The following ITPR1 variants were observed in gnomAD, a reference collection of about 807,000 sequenced individuals.
The protein encoded by ITPR1 is inositol 1,4,5-trisphosphate receptor type 1, also known as inositol 1,4,5-trisphosphate-gated calcium channel ITPR1.
ITPR1 carries 96 observed loss-of-function variants against 318.4 expected under a neutral mutation model. The ratio of observed to expected loss-of-function variants is 0.30; its 90% CI spans 0.26 to 0.36. The LOEUF (loss-of-function observed/expected upper bound fraction) is 0.36. Ranked by LOEUF, ITPR1 falls within the 10% of genes least tolerant of loss-of-function variation. The pLI is 1.00. For missense variants in ITPR1, 2,440 were observed against 3,460.2 expected, an observed-to-expected ratio of 0.71 and a Z score of 7.40; for synonymous variants, 1,312 against 1,289.9, an observed-to-expected ratio of 1.02 and a Z score of -0.37.
At chr3:4,777,033 A>G (rs1055174838) in intron 47 of ITPR1, among the ~76,000 whole-genome samples, 1 of 152,250 alleles carries the variant, frequency 6.6e-6, no homozygotes, top group African/African-American at 2.4e-5. Context: ...CAACCAATTT[A>G]TCAGTTACAG....
intron 60 of ITPR1, among the ~76,000 whole-genome samples, chr3:4,822,847 G>A (rs1442314837): frequency 6.6e-6 from 1 of 152,206 alleles, no homozygotes; most frequent in African/African-American, 2.4e-5. Context: ...TCAGAGAAAT[G>A]TGACTGTGGG....
At chr3:4,527,264 C>T (rs1229773782) in intron 4 of ITPR1, among the ~76,000 whole-genome samples, 1 of 152,186 alleles carries the variant, frequency 6.6e-6, no homozygotes, top group Non-Finnish European at 1.5e-5. Flanking sequence ...GCAGCCTCGA[C>T]CTTCTGGGTT....
At chr3:4,594,624 C>G (rs2090651915) in intron 4 of ITPR1, among the ~76,000 whole-genome samples, 1 of 152,106 alleles carries the variant, frequency 6.6e-6, no homozygotes, top group Non-Finnish European at 1.5e-5. Flanking sequence ...TTCCAGGAAG[C>G]AGAAGAGAGT....
At chr3:4,819,923 G>T (rs376488538) in intron 60 of ITPR1, among the ~76,000 whole-genome samples, 1 of 152,178 alleles carries the variant, frequency 6.6e-6, no homozygotes, top group Non-Finnish European at 1.5e-5. Flanking sequence ...GACTTCCTAG[G>T]AACAGTTCAG....
chr3:4,697,315 G>GTGT (rs1553699268), intron 34 of ITPR1, 43 bp downstream of exon 34: 52 of 864,178 alleles, frequency 6.0e-5, no homozygotes, highest in Non-Finnish European at 8.1e-5. Flanking sequence ...GAGAGTGAGA[G>GTGT]GTGTGTGTGT....
chr3:4,581,957 T>TA (rs888407050), intron 4 of ITPR1, among the ~76,000 whole-genome samples: 1 of 151,906 alleles, frequency 6.6e-6, no homozygotes, highest in African/African-American at 2.4e-5. Context: ...GATTTTTTTT[T>TA]TTTAAAAAGG....
At chr3:4,714,488 C>T (rs1007782052) in intron 39 of ITPR1, among the ~76,000 whole-genome samples, 2 of 152,138 alleles carry the variant, frequency 1.3e-5, no homozygotes, top group Admixed American at 1.3e-4. Flanking sequence ...TGGCTTCTTC[C>T]AACTCTCCCT....
chr3:4,511,306 C>G (rs1451746150), intron 2 of ITPR1, among the ~76,000 whole-genome samples: 1 of 152,140 alleles, frequency 6.6e-6, no homozygotes, highest in African/African-American at 2.4e-5. Flanking sequence ...CCCTGCCCCC[C>G]CTTTTTTTTT....
chr3:4,754,780 C>T (rs995855136), intron 44 of ITPR1, among the ~76,000 whole-genome samples: 2 of 152,212 alleles, frequency 1.3e-5, no homozygotes, highest in Admixed American at 6.5e-5. Context: ...AAGGAGCTTC[C>T]TACCACAGTC....
At chr3:4,693,862 C>A in intron 33 of ITPR1, 121 bp downstream of exon 33, 1 of 1,043,908 alleles carries the variant, frequency 9.6e-7, no homozygotes, top group Non-Finnish European at 1.4e-6. Context: ...AAAGCTGCAG[C>A]TCATTTTGTA....
chr3:4,817,220 G>A (rs764290089), intron 59 of ITPR1, among the ~76,000 whole-genome samples: 7 of 152,174 alleles, frequency 4.6e-5, no homozygotes, highest in African/African-American at 1.2e-4. Context: ...AAAGAGCCCC[G>A]GTTCTTTTTA....
chr3:4,514,499 G>T (rs770993535), intron 2 of ITPR1, among the ~76,000 whole-genome samples: 1 of 152,140 alleles, frequency 6.6e-6, no homozygotes, highest in Non-Finnish European at 1.5e-5. Context: ...AGGTATCCAG[G>T]TGGCGGTGAT....
intron 18 of ITPR1, among the ~76,000 whole-genome samples, chr3:4,668,036 C>T (rs540138943): frequency 2.0e-5 from 3 of 151,996 alleles, no homozygotes; most frequent in African/African-American, 2.4e-5. Flanking sequence ...ATGGGGTATC[C>T]ATCCCCTCAA....
intron 4 of ITPR1, among the ~76,000 whole-genome samples, chr3:4,562,667 T>A: frequency 6.6e-6 from 1 of 151,754 alleles, no homozygotes; most frequent in Middle Eastern, 3.2e-3. Context: ...CTCCCTTGAA[T>A]AAACTGCAAG....
intron 45 of ITPR1, among the ~76,000 whole-genome samples, chr3:4,767,662 G>A (rs114895879): frequency 1.3e-5 from 2 of 152,332 alleles, no homozygotes; most frequent in African/African-American, 4.8e-5. Flanking sequence ...GGGACTGCAA[G>A]TATGCACCAC....
At chr3:4,541,636 T>C (rs2084452720) in intron 4 of ITPR1, among the ~76,000 whole-genome samples, 1 of 152,140 alleles carries the variant, frequency 6.6e-6, no homozygotes, top group Non-Finnish European at 1.5e-5. Flanking sequence ...ATACCACTTT[T>C]TTTTTTTTGA....
intron 16 of ITPR1, among the ~76,000 whole-genome samples, chr3:4,664,585 T>C (rs960939862): frequency 6.6e-6 from 1 of 152,266 alleles, no homozygotes; most frequent in East Asian, 1.9e-4. Flanking sequence ...TGTTGTTTCA[T>C]GTGATGATTC....
chr3:4,737,532 G>A (rs910064278), intron 44 of ITPR1, among the ~76,000 whole-genome samples: 2 of 152,212 alleles, frequency 1.3e-5, no homozygotes, highest in African/African-American at 2.4e-5. Flanking sequence ...CTTTCAGACC[G>A]AGGAGTGCTA....
rs1045587574 is a variant in ITPR1, at chr3:4,508,162, C to G, written c.-16-8314C>G. Among the ~76,000 whole-genome samples the G allele has an allele frequency of 5.9e-5, 9 of 152,246 alleles. 1 individual carries two copies. ...AAGGTCAGACTGTCAGTGGGACTAC[C>G]CTGCCACCCGATTACTGAAAGTCAG... On this transcript the variant is annotated intron_variant, in intron 2 of 61. Coordinates refer to ENST00000649015, the MANE Select transcript of ITPR1 (RefSeq NM_001378452.1).
Sources: allele counts gnomAD v4.1 joint callset (sites outside exome capture counted in the v4.1 genomes callset), GRCh38; gene constraint gnomAD v4.1.1; transcripts MANE v1.5; gene names NCBI Gene and HGNC (gene_info 2026-07-23, HGNC 2026-07-21).